The following RESF1 variants were observed in gnomAD, a reference collection of about 807,000 sequenced individuals.
The protein encoded by RESF1 is gonad expressed transcript.
Under a neutral mutation model 134.7 loss-of-function variants are expected in RESF1, and 65 were observed. The observed-to-expected ratio is 0.48, with a 90% CI of 0.40 to 0.59. The LOEUF is 0.59. Among genes scored for constraint, RESF1 ranks in the 20% least tolerant of loss-of-function variants. The pLI, the probability that RESF1 is intolerant of heterozygous loss-of-function variation, is 0.00. For synonymous variants in RESF1, 762 were observed against 702.2 expected (o/e 1.09, Z -1.35); for missense variants, 2,274 against 2,002.7 (o/e 1.14, Z -2.59).
At chr12:31,974,936 T>TC (rs1173869681) in intron 3 of RESF1, among the ~76,000 whole-genome samples, 1 of 151,696 alleles carries the variant, frequency 6.6e-6, no homozygotes, top group Non-Finnish European at 1.5e-5. Flanking sequence ...CTTTTTTTTT[T>TC]TTTTTTAACG....
Position 31,985,114 on chromosome 12 carries a change from G to A in RESF1, c.4159G>A (p.Val1387Ile), listed in dbSNP as rs750794731. 3.2e-6 allele frequency: 5 copies of A among 1,549,896 alleles called. No homozygotes were observed. Among genetic ancestry groups the A allele is most frequent in the Middle Eastern group, 1.7e-4 (1 of 5,764 alleles). ...LDQGNVLDME[V>I]KKKKHDKQEQ... ...CCAAGGGAACGTATTAGATATGGAA[G>A]TAAAGAAAAAGAAACATGATAAACA... is the stretch of plus-strand genomic sequence containing the variant. The change falls in exon 4 of 6, where the codon GTA (valine) becomes ATA (isoleucine). Residue 1387 changes from valine to isoleucine, a missense_variant. Transcript: ENST00000312561.
chr12:31,983,866 G>T lies in RESF1; in HGVS notation c.2911G>T (p.Asp971Tyr). The T allele has an allele frequency of 6.2e-7, 1 of 1,613,488 alleles. No individual in the cohort carries two copies. ...QCTDVSHKIC[D>Y]QSKSEPPLES... is the part of the protein sequence containing the mutation. Reference sequence around the variant, plus strand: ...CACAGATGTTTCACATAAAATATGTGATCAGTCAAAGTCAGAGCCACCCTT... The same window carrying T: ...CACAGATGTTTCACATAAAATATGTTATCAGTCAAAGTCAGAGCCACCCTT... The change falls in exon 4 of 6, where the codon GAT becomes TAT. Residue 971 changes from aspartate (D) to tyrosine (Y), a missense_variant. Transcript: ENST00000312561.
Position 31,983,965 on chromosome 12 carries a change from A to G in RESF1, c.3010A>G (p.Lys1004Glu). ...EKSSLEHATE[K>E]STANDTCSSA... is the part of the protein sequence containing the mutation. ...AAGTAGTTTGGAGCATGCCACTGAA[A>G]AAAGCACAGCTAACGATACGTGCTC... Residue 1004 changes from lysine (K) to glutamate (E), a missense_variant, in exon 4 of 6, where the codon AAA (lysine) becomes GAA (glutamate). By Grantham distance (56) the Lys-to-Glu change is moderately conservative. Transcript: ENST00000312561. 1.2e-6 allele frequency: 2 copies of G among 1,613,652 alleles called. No individual in the cohort carries two copies. Among genetic ancestry groups the G allele is most frequent in the South Asian group, 2.2e-5 (2 of 90,996 alleles).
intron 5 of RESF1, among the ~76,000 whole-genome samples, chr12:31,991,593 C>T (rs1410293686): frequency 1.3e-5 from 2 of 151,934 alleles, no homozygotes; most frequent in Admixed American, 6.6e-5. Context: ...AAGTGTATTT[C>T]GCATACCCAT....
At chr12:31,987,034 A>G (rs3213957) in intron 4 of RESF1, 102,549 of 419,520 alleles carry the variant, frequency 0.24, 12,839 homozygotes, top group Non-Finnish European at 0.26. Flanking sequence ...ACATAATTAC[A>G]TAGTAAAGAT....
At chr12:31,965,678 G>A (rs1939383415) in intron 2 of RESF1, among the ~76,000 whole-genome samples, 1 of 152,068 alleles carries the variant, frequency 6.6e-6, no homozygotes, top group African/African-American at 2.4e-5. Context: ...CATAATAGGA[G>A]CGATGAAGAA....
At chr12:31,966,392 A>T (rs78347818) in intron 2 of RESF1, among the ~76,000 whole-genome samples, 17 of 152,316 alleles carry the variant, frequency 1.1e-4, no homozygotes, top group Non-Finnish European at 2.4e-4. Flanking sequence ...GTTGTCTTTA[A>T]TTCCCATTTT....
rs1243637136 is a variant in RESF1, at chr12:31,983,813, G to T, written c.2858G>T (p.Gly953Val). 2 of 1,611,988 alleles carry T rather than the reference G, an allele frequency of 1.2e-6. No individual in the cohort carries two copies. The highest frequency in any genetic ancestry group is 3.4e-5 in the Admixed American group (2 of 59,676). The change falls in exon 4 of 6, where the codon GGT (glycine) becomes GTT (valine). Residue 953 changes from glycine (G) to valine (V), a missense_variant. By Grantham distance (109) the Gly-to-Val change is moderately radical. Coordinates refer to ENST00000312561, the MANE Select transcript of RESF1 (RefSeq NM_018169.4). Reference sequence around the variant, plus strand: ...AATACCACTGAAAATAAAGACTTTGGTTTTCAAAAAGATAAACCTGTACAG... The same window carrying T: ...AATACCACTGAAAATAAAGACTTTGTTTTTCAAAAAGATAAACCTGTACAG... ...LDNTTENKDFGFQKDKPVQCT... is the reference protein window; with the variant it reads ...LDNTTENKDFVFQKDKPVQCT...
In RESF1 at chr12:31,981,558, T is replaced by C. The variant is rs760550283; in HGVS notation, c.603T>C (p.Cys201=). ...SEQQVDWTQQ[C]ISKGLTYPDY... Reference sequence around the variant, plus strand: ...AACAGGTTGATTGGACACAACAGTGTATATCTAAGGGACTGACTTACCCAG... The same window carrying C: ...AACAGGTTGATTGGACACAACAGTGCATATCTAAGGGACTGACTTACCCAG... The change falls in exon 4 of 6, where the codon TGT becomes TGC. Residue 201 remains cysteine, a synonymous_variant. Transcript: ENST00000312561. 6 of 1,614,124 alleles carry C rather than the reference T, an allele frequency of 3.7e-6. No individual in the cohort carries two copies. Among genetic ancestry groups the C allele is most frequent in the Non-Finnish European group, 8.5e-7 (1 of 1,180,002 alleles).
At chr12:31,990,104 AAG>A (rs756215783) in intron 5 of RESF1, among the ~76,000 whole-genome samples, 71 of 152,220 alleles carry the variant, frequency 4.7e-4, no homozygotes, top group Non-Finnish European at 1.5e-4. Context: ...GATTATCTCA[AAG>A]AGAAAGCGAG....
chr12:31,986,585 A>G (rs1041556752), intron 4 of RESF1, among the ~76,000 whole-genome samples: 3 of 152,236 alleles, frequency 2.0e-5, no homozygotes, highest in Non-Finnish European at 2.9e-5. Flanking sequence ...GCTGGCAGCT[A>G]TGAATATTAG....
chr12:31,978,886 A>C (rs1939701473), intron 3 of RESF1, among the ~76,000 whole-genome samples: 1 of 150,384 alleles, frequency 6.6e-6, no homozygotes, highest in Non-Finnish European at 1.5e-5. Flanking sequence ...ATTTTGTCAG[A>C]AATTCTTATC....
intron 2 of RESF1, among the ~76,000 whole-genome samples, chr12:31,961,618 T>C (rs540072686): frequency 6.6e-6 from 1 of 152,368 alleles, no homozygotes; most frequent in South Asian, 2.1e-4. Context: ...AGCTGGTTCA[T>C]TTAAGCTCTA....
In RESF1 at chr12:31,985,153, A is replaced by C; in HGVS notation, c.4198A>C (p.Ser1400Arg). The change falls in exon 4 of 6, where the codon AGT becomes CGT. Residue 1400 changes from serine (S) to arginine (R), a missense_variant. Physicochemically the swap from Ser to Arg is moderately radical, Grantham distance 110. Transcript: ENST00000312561. Reference sequence around the variant, plus strand: ...ACATGATAAACAAGAACAGAAAGGAAGTGTGGGAGCTACATTCAAATTAGG... The same window carrying C: ...ACATGATAAACAAGAACAGAAAGGACGTGTGGGAGCTACATTCAAATTAGG... ...KKHDKQEQKG[S>R]VGATFKLGDS... 6.4e-7 allele frequency: 1 copy of C among 1,554,276 alleles called. No homozygotes were observed. Among genetic ancestry groups the C allele is most frequent in the Non-Finnish European group, 8.6e-7 (1 of 1,158,806 alleles).
At chr12:31,963,380 G>A (rs1565836449) in intron 2 of RESF1, among the ~76,000 whole-genome samples, 1 of 152,034 alleles carries the variant, frequency 6.6e-6, no homozygotes, top group Non-Finnish European at 1.5e-5. Flanking sequence ...ACAACCTTTG[G>A]GTTTTGATGG....
intron 3 of RESF1, among the ~76,000 whole-genome samples, chr12:31,980,108 CTTTTT>C (rs61587386): frequency 2.9e-4 from 33 of 114,412 alleles, no homozygotes; most frequent in Admixed American, 5.1e-4. Context: ...TTTTCTTTTC[CTTTTT>C]TTTTTTTTTT....
intron 2 of RESF1, among the ~76,000 whole-genome samples, chr12:31,965,910 A>C (rs931769479): frequency 1.3e-5 from 2 of 148,524 alleles, no homozygotes; most frequent in African/African-American, 5.0e-5. Context: ...AAAAAAAAGA[A>C]GTGATACTTC....
Position 31,987,250 on chromosome 12 carries a change from A to G in RESF1, c.5014A>G (p.Lys1672Glu). The G allele has an allele frequency of 6.4e-7, 1 of 1,565,038 alleles. No homozygotes were observed. The highest frequency in any genetic ancestry group is 8.8e-7 in the Non-Finnish European group (1 of 1,137,458). ...EQAPLQVSGI[K>E]STKEDWLKFV... The stretch of plus-strand genomic sequence containing the variant: ...GAATATTTAAATAGTTTCAGGAATA[A>G]AAAGTACAAAAGAAGACTGGTTAAA... Residue 1672 changes from lysine to glutamate, a missense_variant, in exon 5 of 6, where the codon AAA (lysine) becomes GAA (glutamate). Lys to Glu is a moderately conservative substitution (Grantham distance 56). Coordinates refer to ENST00000312561, the MANE Select transcript of RESF1 (RefSeq NM_018169.4).
intron 2 of RESF1, among the ~76,000 whole-genome samples, chr12:31,961,662 C>T (rs1193440936): frequency 6.6e-6 from 1 of 152,208 alleles, no homozygotes. Flanking sequence ...AAACCCATCA[C>T]TGTAGATCCT....
Sources: allele counts gnomAD v4.1 joint callset (sites outside exome capture counted in the v4.1 genomes callset), GRCh38; gene constraint gnomAD v4.1.1; transcripts MANE v1.5; gene names NCBI Gene and HGNC (gene_info 2026-07-23, HGNC 2026-07-21).